The following TLCD3B variants were observed in gnomAD, a reference collection of about 807,000 sequenced individuals.
TLCD3B encodes the protein TLC domain containing 3B.
In TLCD3B, 9 loss-of-function variants were observed where a neutral mutation model predicts 23.0. The ratio of observed to expected loss-of-function variants is 0.39; its 90% CI spans 0.24 to 0.68. The LOEUF is 0.68. TLCD3B is among the 30% of genes least tolerant of loss of function. The probability of loss-of-function intolerance (pLI) is 0.44; values close to 1 mark genes in which losing one functional copy is unlikely to be tolerated. For missense variants in TLCD3B, 307 were observed against 371.8 expected (o/e 0.83, Z 1.43); for synonymous variants, 161 against 161.0 (o/e 1.00, Z 0.00).
chr16:30,025,227 A>G lies in TLCD3B; in HGVS notation c.781T>C (p.Trp261Arg). ...GCCGGGGGCGGCCGGGAGCGGGGCC[A>G]GAAGAGGCGGCAGGCCCCACGGCAG... ...LICRGACRLF[W>R]PRSRPPPACQ... is the part of the protein sequence containing the mutation. Residue 261 changes from tryptophan (W) to arginine (R), a missense_variant, in exon 5 of 5, where the codon TGG (tryptophan) becomes CGG (arginine). Trp to Arg is a moderately radical substitution (Grantham distance 101). Transcript: ENST00000380495. The surrounding 1 kb of genome is among the most constrained non-coding windows in gnomAD (Gnocchi z 4.1). 6.6e-7 allele frequency: 1 copy of G among 1,518,606 alleles called. No individual in the cohort carries two copies. Among genetic ancestry groups the G allele is most frequent in the South Asian group, 1.2e-5 (1 of 80,248 alleles). The allele number at this position is 1,518,606 out of a possible 1,614,324, so 94.1% of individuals were successfully genotyped here.
chr16:30,027,811 C>T, intron 2 of TLCD3B: 5 of 376,308 alleles, frequency 1.3e-5, no homozygotes, highest in South Asian at 7.9e-5. Context: ...AGAGGCAGGA[C>T]CTGGGGTGCT....
intron 1 of TLCD3B, among the ~76,000 whole-genome samples, chr16:30,052,126 G>C (rs1054109451): frequency 1.3e-5 from 2 of 152,176 alleles, no homozygotes; most frequent in Admixed American, 6.6e-5. Context: ...TAGCACTTTG[G>C]GAGGCCAAGG....
At chr16:30,049,398 C>T (rs1017998655) in intron 1 of TLCD3B, among the ~76,000 whole-genome samples, 5 of 152,156 alleles carry the variant, frequency 3.3e-5, no homozygotes, top group African/African-American at 1.2e-4. Context: ...ACGTCCAAGC[C>T]TGCTGAAGCT....
intron 3 of TLCD3B, among the ~76,000 whole-genome samples, chr16:30,040,147 A>AAAAAAAATATATATATATATATAT: frequency 1.0e-5 from 1 of 95,908 alleles, no homozygotes; most frequent in African/African-American, 4.3e-5. Flanking sequence ...AAAAAAAAAA[A>AAAAAAAATATATATATATATATAT]ATATATATAT....
At chr16:30,030,272 G>A in intron 1 of TLCD3B, 131 bp downstream of exon 1, 1 of 1,165,306 alleles carries the variant, frequency 8.6e-7, no homozygotes, top group Non-Finnish European at 1.2e-6. Flanking sequence ...GAAGCCTGGG[G>A]GTAAAGCCCC....
At chr16:30,032,626 T>G (rs1448481735), upstream of TLCD3B, 1 of 149,636 alleles carries the variant, frequency 6.7e-6, no homozygotes, top group Admixed American at 6.8e-5. Flanking sequence ...AGAAACAGGT[T>G]TAGAAATTTT....
intron 3 of TLCD3B, among the ~76,000 whole-genome samples, chr16:30,039,915 C>A (rs1440470952): frequency 6.6e-6 from 1 of 151,800 alleles, no homozygotes; most frequent in Non-Finnish European, 1.5e-5. Context: ...GGGTGGATCA[C>A]CTGAGGTCAG....
upstream of TLCD3B, among the ~76,000 whole-genome samples, chr16:30,031,999 C>A (rs2071372470): frequency 6.6e-6 from 1 of 152,198 alleles, no homozygotes; most frequent in Non-Finnish European, 1.5e-5. Flanking sequence ...AGACTGCCAG[C>A]CCCTCCTGGC....
intron 3 of TLCD3B, chr16:30,036,513 A>C (rs571589574): frequency 2.1e-6 from 2 of 963,372 alleles, no homozygotes; most frequent in Admixed American, 7.3e-5. Context: ...TCTCGGGATA[A>C]AAGGAAGGTG....
intron 1 of TLCD3B, among the ~76,000 whole-genome samples, chr16:30,051,305 G>A (rs1379097116): frequency 1.3e-5 from 2 of 151,864 alleles, no homozygotes; most frequent in East Asian, 3.9e-4. Context: ...AGGCCAAGGC[G>A]GGCAGAACAC....
At position 30,025,085 on chromosome 16, in the gene TLCD3B, G is replaced by A. The variant is rs575302498; in HGVS notation, c.*98C>T. ...GTCATCGTCAGTCCTGGGGTTGTCCGGGCAAGAGGACCCTGGCTCCCAACC... is the reference window on the plus strand; with the variant it reads ...GTCATCGTCAGTCCTGGGGTTGTCCAGGCAAGAGGACCCTGGCTCCCAACC... On this transcript the variant is annotated 3_prime_UTR_variant, in exon 5 of 5. Coordinates refer to ENST00000380495, the MANE Select transcript of TLCD3B (RefSeq NM_031478.6). This position sits in a 1 kb window ranked among gnomAD's most constrained non-coding sequence, Gnocchi z 4.1. 138 of 816,890 alleles carry A rather than the reference G, an allele frequency of 1.7e-4. No homozygotes were observed. In the African/African-American group the frequency reaches 1.8e-3, roughly 11 times the overall value. 50.6% of individuals were successfully genotyped at this position (816,890 alleles called of 1,614,324 possible).
Position 30,030,696 on chromosome 16 carries a change from G to T in TLCD3B, c.-169C>A. On this transcript the variant is annotated 5_prime_UTR_variant, in exon 1 of 5. Transcript: ENST00000380495. ...GGGACGGGATGGGGCCAGGGAGTCC[G>T]ATGAAACTGGGGAGTCGGGAGGGGG... 8.2e-6 allele frequency: 8 copies of T among 980,744 alleles called. No homozygotes were observed. The highest frequency in any genetic ancestry group is 9.7e-6 in the Non-Finnish European group (8 of 822,760). 60.8% of individuals were successfully genotyped at this position (980,744 alleles called of 1,614,324 possible).
intron 2 of TLCD3B, among the ~76,000 whole-genome samples, chr16:30,045,350 G>GT (rs1209751842): frequency 4.1e-4 from 59 of 142,872 alleles, no homozygotes; most frequent in Non-Finnish European, 7.2e-4. Context: ...GTTTGTGTGT[G>GT]TGGTGTGTGT....
In TLCD3B at chr16:30,024,551, C is replaced by G. The variant is rs540394123; in HGVS notation, c.*632G>C. The stretch of plus-strand genomic sequence containing the variant: ...AGGGACATGGCAGGGCCCGAGGGCG[C>G]GATGTGCAGCCGATGGTGAGGGACT... On this transcript the variant is annotated 3_prime_UTR_variant, in exon 5 of 5. Coordinates refer to ENST00000380495, the MANE Select transcript of TLCD3B (RefSeq NM_031478.6). 2.5e-6 allele frequency: 1 copy of G among 399,128 alleles called. No individual in the cohort carries two copies. The highest frequency in any genetic ancestry group is 4.1e-5 in the Admixed American group (1 of 24,518). The allele number at this position is 399,128 out of a possible 1,614,324, so 24.7% of individuals were successfully genotyped here.
Position 30,030,622 on chromosome 16 carries a change from C to T in TLCD3B, c.-95G>A, listed in dbSNP as rs2071328504. 7.7e-6 allele frequency: 9 copies of T among 1,173,960 alleles called. No individual in the cohort carries two copies. Among genetic ancestry groups the T allele is most frequent in the East Asian group, 6.4e-5 (1 of 15,598 alleles). 72.7% of individuals were successfully genotyped at this position (1,173,960 alleles called of 1,614,324 possible). ...AGGGGTGGAGAAGGGACGCCAAGCC[C>T]GGGAAGGAGGGAGAAAACGATGAGA... is the stretch of plus-strand genomic sequence containing the variant. On this transcript the variant is annotated 5_prime_UTR_variant, in exon 1 of 5. Transcript: ENST00000380495.
Sources: gnomAD v4.1 joint callset for allele counts (sites outside exome capture counted in the v4.1 genomes callset) on GRCh38, gnomAD v4.1.1 for gene constraint, Gnocchi (gnomAD v3.1) non-coding constraint, MANE v1.5 for transcripts, NCBI Gene and HGNC (gene_info 2026-07-23, HGNC 2026-07-21) for gene names.